The following SIGLEC1 variants were observed in gnomAD, a reference collection of about 807,000 sequenced individuals.
SIGLEC1 encodes sialoadhesin.
SIGLEC1 carries 132 observed loss-of-function variants against 148.0 expected under a neutral mutation model. That is an observed-to-expected ratio of 0.89 (90% CI 0.77 to 1.03). The LOEUF (loss-of-function observed/expected upper bound fraction) is 1.03, where lower values mean the gene tolerates loss of function less well. Among genes scored for constraint, SIGLEC1 ranks in the 50% least tolerant of loss-of-function variants. The pLI is 0.00. For missense variants in SIGLEC1, 2,253 were observed against 2,271.4 expected, an observed-to-expected ratio of 0.99 and a Z score of 0.16; for synonymous variants, 945 against 969.0, an observed-to-expected ratio of 0.98 and a Z score of 0.46.
At chr20:3,703,481 G>A (rs1308005228) in intron 5 of SIGLEC1, 30 bp from the exon 6 acceptor site, 5 of 1,540,554 alleles carry the variant, frequency 3.2e-6, no homozygotes, top group African/African-American at 2.7e-5. Context: ...AGTGCTGGGG[G>A]GTCCCAGCCA....
intron 14 of SIGLEC1, 123 bp downstream of exon 14, chr20:3,693,324 G>A: frequency 8.0e-7 from 1 of 1,250,254 alleles, no homozygotes. Context: ...TCCTTGCCCA[G>A]TGCTCCACTA....
intron 6 of SIGLEC1, 43 bp downstream of exon 6, chr20:3,703,154 C>G (rs745414876): frequency 4.7e-5 from 75 of 1,611,236 alleles, no homozygotes; most frequent in Non-Finnish European, 1.8e-5. Flanking sequence ...CCATCTGGTC[C>G]TGCTCTGACT....
At chr20:3,702,255 A>T (rs1192918515) in intron 6 of SIGLEC1, among the ~76,000 whole-genome samples, 2 of 152,236 alleles carry the variant, frequency 1.3e-5, no homozygotes, top group Non-Finnish European at 2.9e-5. Flanking sequence ...TATTAGGTCC[A>T]CTGGTAAAAT....
chr20:3,691,967 G>C lies in SIGLEC1; in HGVS notation c.4266C>G (p.Thr1422=), dbSNP rs771176691. Residue 1422 remains threonine (T), a synonymous_variant, in exon 17 of 22, where the codon ACC becomes ACG. Transcript: ENST00000344754. ...QVQDVPAGDD[T]YVCTAQNLLG... ...GCAAGTTTTGGGCTGTGCAAACATA[G>C]GTGTCATCACCTGCAGGCACATCTT... The C allele has an allele frequency of 1.9e-6, 3 of 1,610,722 alleles. No homozygotes were observed. The highest frequency in any genetic ancestry group is 2.5e-6 in the Non-Finnish European group (3 of 1,177,802).
rs1183329053 is a variant in SIGLEC1 at position 3,690,178 on chromosome 20, G to A, written c.4678C>T (p.Pro1560Ser). The stretch of plus-strand genomic sequence containing the variant: ...AGGTGGAGAGTCAGGCTGGCGAGCG[G>A]CTCGCTGTCCACTCGGCAATCCAGG... ...GILDCRVDSE[P>S]LASLTLHLGS... The change falls in exon 19 of 22, where the codon CCG (proline) becomes TCG (serine). Residue 1560 changes from proline to serine, a missense_variant. Coordinates refer to ENST00000344754, the MANE Select transcript of SIGLEC1 (RefSeq NM_023068.4). The A allele has an allele frequency of 6.3e-7, 1 of 1,576,246 alleles. No homozygotes were observed. Among genetic ancestry groups the A allele is most frequent in the East Asian group, 2.4e-5 (1 of 42,358 alleles).
rs1417043229 is a variant in SIGLEC1, at chr20:3,706,403, T to C, written c.353A>G (p.Glu118Gly). Residue 118 changes from glutamate (E) to glycine (G), a missense_variant, in exon 3 of 22, where the codon GAG becomes GGG. Glu to Gly is a moderately conservative substitution (Grantham distance 98). Transcript: ENST00000344754. ...EDSGSYNFRFEISEVNRWSDV... is the reference protein window; with the variant it reads ...EDSGSYNFRFGISEVNRWSDV... The stretch of plus-strand genomic sequence containing the variant: ...TGACCAGCGGTTGACCTCACTGATC[T>C]CGAAGCGGAAGTTGTAGGAACCAGA... The C allele has an allele frequency of 6.2e-7, 1 of 1,613,968 alleles. No individual in the cohort carries two copies. The highest frequency in any genetic ancestry group is 8.5e-7 in the Non-Finnish European group (1 of 1,179,996).
chr20:3,695,996 G>A (rs1268759606), intron 11 of SIGLEC1, among the ~76,000 whole-genome samples: 1 of 151,876 alleles, frequency 6.6e-6, no homozygotes, highest in Non-Finnish European at 1.5e-5. Flanking sequence ...ATTTTTAGTA[G>A]AGTGTTGGCC....
rs144070888 is a variant in SIGLEC1, at chr20:3,699,091, G to A, written c.1786+111C>T. On this transcript the variant is annotated intron_variant, in intron 8 of 21. Coordinates refer to ENST00000344754, the MANE Select transcript of SIGLEC1 (RefSeq NM_023068.4). ...CCACTGTGGCCAGGTCTGTGACCCA[G>A]CCCTCCCGATATAGACCGTGGGGCA... 3.2e-3 allele frequency: 4,179 copies of A among 1,299,884 alleles called. 106 individuals carry two copies. The African/African-American group carries it at 0.055, about 17-fold the overall frequency. The allele number at this position is 1,299,884 out of a possible 1,614,324, so 80.5% of individuals were successfully genotyped here.
chr20:3,688,828 A>G (rs1238889818), intron 21 of SIGLEC1: 1 of 596,828 alleles, frequency 1.7e-6, no homozygotes, highest in Admixed American at 3.0e-5. Flanking sequence ...TGCCCAGGTG[A>G]CGGGCAGGCT....
rs550541033 is a variant in SIGLEC1, at chr20:3,694,255, G to A, written c.3222C>T (p.Gly1074=). 2 of 1,612,250 alleles carry A rather than the reference G, an allele frequency of 1.2e-6. No homozygotes were observed. The highest frequency in any genetic ancestry group is 2.2e-5 in the East Asian group (1 of 44,830). ...CGAAGTCAGCTGAGGCCGAGGCCTGGCCCAGGGTGTTGGAGGCCTCACAGA... is the reference window on the plus strand; with the variant it reads ...CGAAGTCAGCTGAGGCCGAGGCCTGACCCAGGGTGTTGGAGGCCTCACAGA... ...VYICEASNTL[G]QASASADFDA... The change falls in exon 13 of 22, where the codon GGC becomes GGT. Residue 1074 remains glycine, a synonymous_variant. Coordinates refer to ENST00000344754, the MANE Select transcript of SIGLEC1 (RefSeq NM_023068.4).
chr20:3,700,761 C>T (rs572601799), intron 7 of SIGLEC1, among the ~76,000 whole-genome samples: 3 of 143,584 alleles, frequency 2.1e-5, no homozygotes, highest in South Asian at 2.2e-4. Flanking sequence ...AGTGCAGTGG[C>T]GCTATCTTGG....
At position 3,694,534 on chromosome 20, in the gene SIGLEC1, T is replaced by C; in HGVS notation, c.2945-2A>G. ...TGAGTGTGACGTGGCGTGGGGCATC[T>C]ACACAGGGTGGGGAGTGGTCAGGAC... On this transcript the variant is annotated splice_acceptor_variant, in intron 12 of 21. Coordinates refer to ENST00000344754, the MANE Select transcript of SIGLEC1 (RefSeq NM_023068.4). LOFTEE classifies it high-confidence loss of function. 1.3e-6 allele frequency: 2 copies of C among 1,559,132 alleles called. No individual in the cohort carries two copies. Among genetic ancestry groups the C allele is most frequent in the Non-Finnish European group, 1.7e-6 (2 of 1,149,888 alleles).
chr20:3,705,912 G>A lies in SIGLEC1; in HGVS notation c.538C>T (p.Pro180Ser). 1.2e-6 allele frequency: 2 copies of A among 1,614,166 alleles called. No homozygotes were observed. The highest frequency in any genetic ancestry group is 1.7e-6 in the Non-Finnish European group (2 of 1,180,042). ...QVRLQWQGQD[P>S]ARSVTFNSQK... ...CTGTTGAAGGTGACAGAGCGAGCAG[G>A]GTCCTGGCCTTGCCACTGCAGTCTG... The change falls in exon 4 of 22, where the codon CCT (proline) becomes TCT (serine). Residue 180 changes from proline (P) to serine (S), a missense_variant. Pro to Ser is a moderately conservative substitution (Grantham distance 74). Transcript: ENST00000344754.
At position 3,688,575 on chromosome 20, in the gene SIGLEC1, G is replaced by C; in HGVS notation, c.5115C>G (p.Ala1705=). 6.2e-7 allele frequency: 1 copy of C among 1,601,830 alleles called. No homozygotes were observed. Among genetic ancestry groups the C allele is most frequent in the Non-Finnish European group, 8.5e-7 (1 of 1,173,794 alleles). Residue 1705 remains alanine, a synonymous_variant, in exon 22 of 22, where the codon GCC becomes GCG. Coordinates refer to ENST00000344754, the MANE Select transcript of SIGLEC1 (RefSeq NM_023068.4). ...DAATCETSTC[A]PPLG is the part of the protein sequence containing the mutation. ...ACACCACTGGTCAGCCCAGGGGTGGGGCACAGGTTGAGGTCTCACATGTGG... is the reference window on the plus strand; with the variant it reads ...ACACCACTGGTCAGCCCAGGGGTGGCGCACAGGTTGAGGTCTCACATGTGG...
chr20:3,692,750 C>T lies in SIGLEC1; in HGVS notation c.3801G>A (p.Pro1267=), dbSNP rs750641533. 35 of 1,611,112 alleles carry T rather than the reference C, an allele frequency of 2.2e-5. No homozygotes were observed. In the South Asian group the frequency reaches 2.2e-4, roughly 10 times the overall value. Residue 1267 remains proline, a synonymous_variant, in exon 16 of 22, where the codon CCG becomes CCA. Transcript: ENST00000344754. ...GGGCACCTTCAGGCACGGCAGCCTCCGGAGCCAGGATCACCCGCACACCTG... is the reference window on the plus strand; with the variant it reads ...GGGCACCTTCAGGCACGGCAGCCTCTGGAGCCAGGATCACCCGCACACCTG... ...RLEGVRVILA[P]EAAVPEGAPI...
At chr20:3,701,265 C>G in intron 7 of SIGLEC1, 77 bp downstream of exon 7, 1 of 1,364,920 alleles carries the variant, frequency 7.3e-7, no homozygotes, top group South Asian at 1.4e-5. Context: ...GTCCACTAGA[C>G]TTCTAGAAGG....
At chr20:3,712,288 G>T (rs1023027272) in intron 1 of SIGLEC1, among the ~76,000 whole-genome samples, 182 bp downstream of exon 1, 7 of 151,982 alleles carry the variant, frequency 4.6e-5, no homozygotes, top group Admixed American at 1.3e-4. Context: ...GTGGTGGAAG[G>T]GTTTCAGTTG....
In SIGLEC1 at chr20:3,705,834, T is replaced by C. The variant is rs769317653; in HGVS notation, c.616A>G (p.Met206Val). ...VGHLETLHMA[M>V]SWQDHGRILR... ...ATCCGGCCGTGGTCCTGCCAGGACA[T>C]GGCCATGTGGAGGGTCTCCAGGTGG... The change falls in exon 4 of 22, where the codon ATG becomes GTG. Residue 206 changes from methionine (M) to valine (V), a missense_variant. Coordinates refer to ENST00000344754, the MANE Select transcript of SIGLEC1 (RefSeq NM_023068.4). 1.9e-6 allele frequency: 3 copies of C among 1,614,108 alleles called. No individual in the cohort carries two copies. The highest frequency in any genetic ancestry group is 2.7e-5 in the African/African-American group (2 of 75,072).
intron 3 of SIGLEC1, 85 bp from the exon 4 acceptor site, chr20:3,706,125 C>T (rs533074579): frequency 3.5e-6 from 5 of 1,444,958 alleles, no homozygotes; most frequent in Middle Eastern, 2.5e-4. Context: ...GAGGAGAGAG[C>T]CCTGGGGAGG....
Sources: allele counts gnomAD v4.1 joint callset (sites outside exome capture counted in the v4.1 genomes callset), GRCh38; gene constraint gnomAD v4.1.1; transcripts MANE v1.5; gene names NCBI Gene and HGNC (gene_info 2026-07-23, HGNC 2026-07-21).